The following CASC3 variants were observed in gnomAD, a reference collection of about 807,000 sequenced individuals.
The protein encoded by CASC3 is protein CASC3.
In CASC3, 30 loss-of-function variants were observed where a neutral mutation model predicts 80.5. That is an observed-to-expected ratio of 0.37 (90% CI 0.28 to 0.51). The LOEUF is 0.51. Ranked by LOEUF, CASC3 falls within the 20% of genes least tolerant of loss-of-function variation. The pLI, the probability that CASC3 is intolerant of heterozygous loss-of-function variation, is 0.94. For missense variants in CASC3, 824 were observed against 922.2 expected (o/e 0.89, Z 1.38); for synonymous variants, 312 against 333.6 (o/e 0.94, Z 0.70).
chr17:40,167,420 C>A, intron 8 of CASC3, 78 bp from the exon 9 acceptor site: 1 of 983,560 alleles, frequency 1.0e-6, no homozygotes, highest in Non-Finnish European at 1.6e-6. Context: ...AAGTGTTTTT[C>A]AACACCTAAA....
chr17:40,168,535 A>G (rs41275668), intron 11 of CASC3, 118 bp downstream of exon 11: 21,973 of 887,584 alleles, frequency 0.025, 345 homozygotes, highest in Non-Finnish European at 0.033. Context: ...ACTGATTTGT[A>G]TGTGACACCA....
At position 40,164,154 on chromosome 17, in the gene CASC3, C is replaced by T. The variant is rs1447750347; in HGVS notation, c.1459C>T (p.Arg487Trp). The change falls in exon 7 of 14, where the codon CGG (arginine) becomes TGG (tryptophan). Residue 487 changes from arginine to tryptophan, a missense_variant. Physicochemically the swap from Arg to Trp is moderately radical, Grantham distance 101. Transcript: ENST00000264645. ...SPGQPSFLQP[R>W]ELRGMPNHIH... Reference sequence around the variant, plus strand: ...GGGGCAGCCTTCTTTCCTGCAACCACGGGAACTTCGAGGTAGGTATCATAG... The same window carrying T: ...GGGGCAGCCTTCTTTCCTGCAACCATGGGAACTTCGAGGTAGGTATCATAG... 2 of 1,603,268 alleles carry T rather than the reference C, an allele frequency of 1.2e-6. No individual in the cohort carries two copies. The highest frequency in any genetic ancestry group is 1.7e-4 in the Middle Eastern group (1 of 6,048).
At chr17:40,168,124 T>A in intron 10 of CASC3, 79 bp from the exon 11 acceptor site, 1 of 1,396,320 alleles carries the variant, frequency 7.2e-7, no homozygotes, top group Non-Finnish European at 1.0e-6. Flanking sequence ...TGAGCCTGAT[T>A]ATACTGAGCA....
At position 40,165,306 on chromosome 17, in the gene CASC3, C is replaced by A. The variant is rs545135290; in HGVS notation, c.1471+1140C>A. 5.3e-5 allele frequency among the ~76,000 whole-genome samples: 8 copies of A among 152,170 alleles called. No individual in the cohort carries two copies. The East Asian group carries it at 1.5e-3, about 29-fold the overall frequency. ...TCTCGAACTCCTGACCTTAAGTGAT[C>A]GACCCATCTTGGCCTCCCAGAGTGC... On this transcript the variant is annotated intron_variant, in intron 7 of 13. Coordinates refer to ENST00000264645, the MANE Select transcript of CASC3 (RefSeq NM_007359.5).
intron 3 of CASC3, among the ~76,000 whole-genome samples, chr17:40,154,647 ACTTT>A (rs112017331): frequency 0.064 from 9,761 of 151,480 alleles, 665 homozygotes; most frequent in African/African-American, 0.17. Flanking sequence ...TGGATTGTTC[ACTTT>A]CTTTATAGTG....
chr17:40,167,618 T>A lies in CASC3; in HGVS notation c.1651+6T>A. ...GGGACATTACTATGATCCACGTGAG[T>A]TTTTTCTTACTGTTGGGGTACTTTT... On this transcript the variant is annotated splice_donor_region_variant and intron_variant, in intron 9 of 13. Transcript: ENST00000264645. 1 of 1,602,984 alleles carries A rather than the reference T, an allele frequency of 6.2e-7. No homozygotes were observed. Among genetic ancestry groups the A allele is most frequent in the Non-Finnish European group, 8.5e-7 (1 of 1,170,426 alleles).
intron 1 of CASC3, 87 bp downstream of exon 1, chr17:40,140,866 T>A: frequency 9.6e-7 from 1 of 1,046,802 alleles, no homozygotes; most frequent in Non-Finnish European, 1.4e-6. Context: ...AGTCTGTGAG[T>A]TGATAGTAGA....
chr17:40,169,503 TC>T lies in CASC3; in HGVS notation c.2088+61del, dbSNP rs149595512. 1,169 of 1,573,976 alleles carry T rather than the reference TC, an allele frequency of 7.4e-4. 11 individuals are homozygous for T. In the African/African-American group the frequency reaches 0.014, roughly 19 times the overall value. The stretch of plus-strand genomic sequence containing the variant: ...ATGCTCCGTCAGTGGGCTTTCCTTC[TC>T]CCCAGAGGATTTCCCTCATTTTCTG... On this transcript the variant is annotated intron_variant, in intron 12 of 13. Coordinates refer to ENST00000264645, the MANE Select transcript of CASC3 (RefSeq NM_007359.5).
chr17:40,160,587 C>T (rs960240938), intron 3 of CASC3, among the ~76,000 whole-genome samples: 1 of 151,656 alleles, frequency 6.6e-6, no homozygotes, highest in Admixed American at 6.6e-5. Flanking sequence ...GTAAGTCTCC[C>T]TTCCATTCTT....
Position 40,170,821 on chromosome 17 carries a change from CTTAATA to C in CASC3, c.*420_*425del. On this transcript the variant is annotated 3_prime_UTR_variant, in exon 14 of 14. Coordinates refer to ENST00000264645, the MANE Select transcript of CASC3 (RefSeq NM_007359.5). ...CATTTTTAAAGCCTGGCTTCTTATC[CTTAATA>C]TTATTTTAATTTTTTCTCTTTGTTT... The C allele has an allele frequency of 2.0e-6, 2 of 984,726 alleles. No homozygotes were observed. Among genetic ancestry groups the C allele is most frequent in the Non-Finnish European group, 2.4e-6 (2 of 829,296 alleles). The allele number at this position is 984,726 out of a possible 1,614,324, so 61.0% of individuals were successfully genotyped here. A position where few individuals can be genotyped will look rare whatever the true frequency, so the allele number is the denominator to read the frequency against.
In CASC3 at chr17:40,158,565, CT is replaced by C. The variant is rs574735159; in HGVS notation, c.298-3184del. Among the ~76,000 whole-genome samples the C allele has an allele frequency of 1.8e-3, 280 of 152,290 alleles. 2 individuals are homozygous for C. The highest frequency in any genetic ancestry group is 0.017 in the Admixed American group (256 of 15,292). On this transcript the variant is annotated intron_variant, in intron 3 of 13. Transcript: ENST00000264645. ...CCTTATCATGAGCCTTAGCTGCTGCCTTTTCCTACCTAGAACTAGCCACACG... is the reference window on the plus strand; with the variant it reads ...CCTTATCATGAGCCTTAGCTGCTGCCTTTCCTACCTAGAACTAGCCACACG...
intron 8 of CASC3, 124 bp downstream of exon 8, chr17:40,166,985 G>C: frequency 1.4e-6 from 1 of 690,136 alleles, no homozygotes; most frequent in Non-Finnish European, 2.3e-6. Context: ...TTGAGACAGA[G>C]TCTCGCTCTG....
chr17:40,140,680 C>T lies in CASC3; in HGVS notation c.132C>T (p.Gly44=). The part of the protein sequence containing the change: ...GSCSGSAGGG[G]SGSLPSQRGG... ...GCAGCGGTAGCGCCGGAGGCGGCGGCAGCGGCTCTCTGCCTTCACAGCGCG... is the reference window on the plus strand; with the variant it reads ...GCAGCGGTAGCGCCGGAGGCGGCGGTAGCGGCTCTCTGCCTTCACAGCGCG... Residue 44 remains glycine (G), a synonymous_variant, in exon 1 of 14, where the codon GGC becomes GGT. Coordinates refer to ENST00000264645, the MANE Select transcript of CASC3 (RefSeq NM_007359.5). 3 of 1,598,440 alleles carry T rather than the reference C, an allele frequency of 1.9e-6. No individual in the cohort carries two copies. The highest frequency in any genetic ancestry group is 1.1e-5 in the South Asian group (1 of 89,740).
At chr17:40,158,650 T>C (rs1460744202) in intron 3 of CASC3, among the ~76,000 whole-genome samples, 1 of 152,180 alleles carries the variant, frequency 6.6e-6, no homozygotes, top group Non-Finnish European at 1.5e-5. Context: ...CCCAGCACTT[T>C]CTGTGTCATG....
rs780831290 is a variant in CASC3 at position 40,140,543 on chromosome 17, C to T, written c.-6C>T. 1 of 1,606,084 alleles carries T rather than the reference C, an allele frequency of 6.2e-7. No individual in the cohort carries two copies. Among genetic ancestry groups the T allele is most frequent in the Non-Finnish European group, 8.5e-7 (1 of 1,179,648 alleles). On this transcript the variant is annotated 5_prime_UTR_variant, in exon 1 of 14. Transcript: ENST00000264645. ...TACCTCGCCGGTGGTGGCCGTTCTC[C>T]GTAAGATGGCGGACCGGCGGCGGCA... is the stretch of plus-strand genomic sequence containing the variant.
intron 3 of CASC3, among the ~76,000 whole-genome samples, chr17:40,158,606 C>G (rs1324243596): frequency 6.6e-6 from 1 of 152,128 alleles, no homozygotes; most frequent in African/African-American, 2.4e-5. Flanking sequence ...TTTCCTGGCC[C>G]TTTCTAATGG....
intron 3 of CASC3, among the ~76,000 whole-genome samples, chr17:40,157,564 A>G (rs775754563): frequency 5.3e-5 from 8 of 151,974 alleles, no homozygotes; most frequent in Non-Finnish European, 1.0e-4. Flanking sequence ...AGTCCCTGCT[A>G]CTCAGGAGGC....
intron 13 of CASC3, among the ~76,000 whole-genome samples, chr17:40,170,053 G>A (rs1339581318): frequency 2.6e-5 from 4 of 152,070 alleles, no homozygotes; most frequent in Non-Finnish European, 5.9e-5. Context: ...ACCCCACCCA[G>A]CCTCTGATTA....
intron 3 of CASC3, among the ~76,000 whole-genome samples, chr17:40,151,504 G>A (rs529238724): frequency 3.3e-5 from 5 of 151,912 alleles, no homozygotes; most frequent in African/African-American, 4.8e-5. Flanking sequence ...AAGTCACCAC[G>A]CCTGGCCCGT....
Sources: allele counts gnomAD v4.1 joint callset (sites outside exome capture counted in the v4.1 genomes callset), GRCh38; gene constraint gnomAD v4.1.1; transcripts MANE v1.5; gene names NCBI Gene and HGNC (gene_info 2026-07-23, HGNC 2026-07-21).